The following SGCZ variants were observed in gnomAD, a reference collection of about 807,000 sequenced individuals.
SGCZ encodes zeta-sarcoglycan.
In SGCZ, 40 loss-of-function variants were observed where a neutral mutation model predicts 41.3. The ratio of observed to expected loss-of-function variants is 0.97; its 90% CI spans 0.75 to 1.26. SGCZ has a LOEUF of 1.26. Among genes scored for constraint, SGCZ ranks in the 50% most tolerant of loss-of-function variants. SGCZ has a pLI of 0.00. For synonymous variants in SGCZ, 206 were observed against 137.5 expected (o/e 1.50, Z -3.49); for missense variants, 552 against 369.8 (o/e 1.49, Z -4.04).
At position 14,146,895 on chromosome 8, in the gene SGCZ, AT is replaced by A. The variant is rs199741774; in HGVS notation, c.547+17684del. Among the ~76,000 whole-genome samples, 1,082 of 143,836 alleles carry A rather than the reference AT, an allele frequency of 7.5e-3. 69 individuals carry two copies. The highest frequency in any genetic ancestry group is 0.027 in the African/African-American group (1,043 of 37,986). 94.4% of individuals were successfully genotyped at this position (143,836 alleles called of 152,430 possible). On this transcript the variant is annotated intron_variant, in intron 5 of 7. Transcript: ENST00000382080. ...TCAAAAAATAAAAATAAAAAAAATA[AT>A]AATAATAATAACTACAGCAACTTTT...
In SGCZ at chr8:14,665,516, G is replaced by C. The variant is rs866137816; in HGVS notation, c.40-110590C>G. On this transcript the variant is annotated intron_variant, in intron 1 of 7. Coordinates refer to ENST00000382080, the MANE Select transcript of SGCZ (RefSeq NM_139167.4). ...AGCAGCATGTTTTATAATCCTTTGGGTATATACCCAGTAATGGGATGGCTG... is the reference window on the plus strand; with the variant it reads ...AGCAGCATGTTTTATAATCCTTTGGCTATATACCCAGTAATGGGATGGCTG... Among the ~76,000 whole-genome samples the C allele has an allele frequency of 3.9e-5, 6 of 152,202 alleles. No individual in the cohort carries two copies. The Middle Eastern group carries it at 0.017, about 431-fold the overall frequency.
At chr8:14,355,473 T>A (rs888564309) in intron 2 of SGCZ, among the ~76,000 whole-genome samples, 1 of 152,118 alleles carries the variant, frequency 6.6e-6, no homozygotes, top group African/African-American at 2.4e-5. Flanking sequence ...ACATGAAGAC[T>A]TTTTGAATCT....
At chr8:15,002,669 A>C (rs535266369) in intron 1 of SGCZ, among the ~76,000 whole-genome samples, 3 of 152,292 alleles carry the variant, frequency 2.0e-5, no homozygotes, top group South Asian at 2.1e-4. Flanking sequence ...TTTGGGGGGA[A>C]ATCTTTAGTT....
rs994707295 is a variant in SGCZ at position 14,884,396 on chromosome 8, G to A, written c.40-329470C>T. ...TTCACAAATAATTATTTATATATCAGTATAAGATAAATGAACTATTTATTT... is the reference window on the plus strand; with the variant it reads ...TTCACAAATAATTATTTATATATCAATATAAGATAAATGAACTATTTATTT... On this transcript the variant is annotated intron_variant, in intron 1 of 7. Coordinates refer to ENST00000382080, the MANE Select transcript of SGCZ (RefSeq NM_139167.4). Among the ~76,000 whole-genome samples, 3 of 151,776 alleles carry A rather than the reference G, an allele frequency of 2.0e-5. No homozygotes were observed. In the East Asian group the frequency reaches 5.8e-4, roughly 29 times the overall value.
chr8:14,487,327 G>A (rs1015093807), intron 2 of SGCZ, among the ~76,000 whole-genome samples: 2 of 149,580 alleles, frequency 1.3e-5, no homozygotes, highest in African/African-American at 5.1e-5. Flanking sequence ...CAAGTATGTT[G>A]ATTTTTAAAA....
chr8:14,422,158 C>G (rs1799653964), intron 2 of SGCZ, among the ~76,000 whole-genome samples: 1 of 152,082 alleles, frequency 6.6e-6, no homozygotes, highest in African/African-American at 2.4e-5. Context: ...ATCTAAAAAT[C>G]TCTCATGAAA....
Position 14,407,749 on chromosome 8 carries a change from T to G in SGCZ, c.235-83545A>C, listed in dbSNP as rs1157581113. On this transcript the variant is annotated intron_variant, in intron 2 of 7. Transcript: ENST00000382080. ...TGTGAAAAGATCATTTCAAAAAGTT[T>G]CAGCTGGTGCATTTTTTCCTATGCA... Among the ~76,000 whole-genome samples the G allele has an allele frequency of 3.3e-5, 5 of 152,278 alleles. No individual in the cohort carries two copies. The East Asian group carries it at 9.7e-4, about 29-fold the overall frequency.
intron 1 of SGCZ, among the ~76,000 whole-genome samples, chr8:15,127,729 T>C (rs1224165302): frequency 6.6e-6 from 1 of 152,210 alleles, no homozygotes; most frequent in Non-Finnish European, 1.5e-5. Context: ...CTCTTGCATA[T>C]AGATTATACT....
chr8:14,877,568 A>C (rs1277880552), intron 1 of SGCZ, among the ~76,000 whole-genome samples: 2 of 152,154 alleles, frequency 1.3e-5, no homozygotes, highest in Non-Finnish European at 2.9e-5. Flanking sequence ...CTAAGCATAG[A>C]TATTTCTTCA....
At chr8:14,859,282 A>G (rs1803643389) in intron 1 of SGCZ, among the ~76,000 whole-genome samples, 1 of 152,132 alleles carries the variant, frequency 6.6e-6, no homozygotes, top group Admixed American at 6.6e-5. Flanking sequence ...AAGAGTGTAT[A>G]GCAGTAAAGA....
intron 2 of SGCZ, among the ~76,000 whole-genome samples, chr8:14,355,334 T>C (rs137895568): frequency 1.3e-5 from 2 of 152,226 alleles, no homozygotes; most frequent in African/African-American, 4.8e-5. Flanking sequence ...CATAAATTCA[T>C]AATTTAATTG....
chr8:14,478,075 G>A (rs1024113640), intron 2 of SGCZ, among the ~76,000 whole-genome samples: 2 of 152,332 alleles, frequency 1.3e-5, no homozygotes, highest in Admixed American at 1.3e-4. Flanking sequence ...ACTGGACAAT[G>A]TGCATCCTCA....
intron 4 of SGCZ, among the ~76,000 whole-genome samples, chr8:14,221,739 C>T (rs1478733271): frequency 6.6e-6 from 1 of 152,106 alleles, no homozygotes; most frequent in African/African-American, 2.4e-5. Context: ...AGTTCAAGAT[C>T]AGCCTGGCCA....
chr8:14,760,615 G>A (rs1799835083), intron 1 of SGCZ, among the ~76,000 whole-genome samples: 1 of 152,150 alleles, frequency 6.6e-6, no homozygotes, highest in Non-Finnish European at 1.5e-5. Context: ...ACAGTTTAAA[G>A]TGAATCATTA....
At chr8:15,149,742 G>C (rs940964594) in intron 1 of SGCZ, among the ~76,000 whole-genome samples, 5 of 148,428 alleles carry the variant, frequency 3.4e-5, no homozygotes, top group African/African-American at 1.2e-4. Flanking sequence ...AGCCTTCCTG[G>C]AGGGTAATTT....
chr8:15,027,520 T>C (rs1803501730), intron 1 of SGCZ, among the ~76,000 whole-genome samples: 1 of 152,114 alleles, frequency 6.6e-6, no homozygotes, highest in Non-Finnish European at 1.5e-5. Context: ...ATTCTGCCTT[T>C]CTAGAATATT....
intron 1 of SGCZ, among the ~76,000 whole-genome samples, chr8:14,950,910 A>AGC (rs1443764703): frequency 1.3e-5 from 2 of 152,068 alleles, no homozygotes; most frequent in East Asian, 3.8e-4. Flanking sequence ...AAATGGAAAG[A>AGC]GCCAAAATTA....
At chr8:14,133,087 G>C (rs536436091) in intron 5 of SGCZ, among the ~76,000 whole-genome samples, 1 of 152,214 alleles carries the variant, frequency 6.6e-6, no homozygotes, top group African/African-American at 2.4e-5. Context: ...GCTCTGTATT[G>C]GGGCACTCTT....
At chr8:14,177,085 G>A (rs576507150) in intron 4 of SGCZ, among the ~76,000 whole-genome samples, 1 of 152,290 alleles carries the variant, frequency 6.6e-6, no homozygotes, top group South Asian at 2.1e-4. Flanking sequence ...CACTGGGAAG[G>A]AGCATCTGTG....
Sources: allele counts gnomAD v4.1 joint callset (sites outside exome capture counted in the v4.1 genomes callset), GRCh38; gene constraint gnomAD v4.1.1; transcripts MANE v1.5; gene names NCBI Gene and HGNC (gene_info 2026-07-23, HGNC 2026-07-21).